The following TCTN2 variants were observed in gnomAD, a reference collection of about 807,000 sequenced individuals.
TCTN2 encodes the protein tectonic family member 2.
TCTN2 carries 66 observed loss-of-function variants against 83.4 expected under a neutral mutation model. The observed-to-expected ratio is 0.79, with a 90% CI of 0.65 to 0.97. The LOEUF (loss-of-function observed/expected upper bound fraction) is 0.97. Among genes scored for constraint, TCTN2 ranks in the 50% least tolerant of loss-of-function variants. The pLI, the probability that TCTN2 is intolerant of heterozygous loss-of-function variation, is 0.00. For synonymous variants in TCTN2, 301 were observed against 326.7 expected (o/e 0.92, Z 0.85); for missense variants, 794 against 858.1 (o/e 0.93, Z 0.93).
At chr12:123,672,631 G>C (rs191184523) in intron 3 of TCTN2, among the ~76,000 whole-genome samples, 3 of 152,012 alleles carry the variant, frequency 2.0e-5, no homozygotes, top group East Asian at 3.9e-4. Context: ...ATACTTGGAG[G>C]GGGGTGGGGT....
chr12:123,698,345 TTTTTTGTTTTTTTG>T (rs972823381), intron 13 of TCTN2, among the ~76,000 whole-genome samples: 4 of 151,050 alleles, frequency 2.6e-5, no homozygotes, highest in African/African-American at 9.8e-5. Flanking sequence ...CCCAGCCTTG[TTTTTTGTTTTTTTG>T]TTTTTGTTTT....
At chr12:123,698,226 G>C (rs1301341366) in intron 13 of TCTN2, among the ~76,000 whole-genome samples, 1 of 152,022 alleles carries the variant, frequency 6.6e-6, no homozygotes, top group Non-Finnish European at 1.5e-5. Context: ...ATTTTTAGTA[G>C]AGATGGGGTT....
chr12:123,671,458 T>C, intron 1 of TCTN2, 49 bp from the exon 2 acceptor site: 1 of 1,599,228 alleles, frequency 6.3e-7, no homozygotes, highest in Non-Finnish European at 8.6e-7. Context: ...CCTTAGGCGG[T>C]GATTCTTCCA....
At chr12:123,691,949 C>T (rs1337443807) in intron 8 of TCTN2, among the ~76,000 whole-genome samples, 1 of 151,442 alleles carries the variant, frequency 6.6e-6, no homozygotes, top group East Asian at 1.9e-4. Flanking sequence ...GGCTGGAGTG[C>T]GATGGCGCGA....
chr12:123,692,485 T>C (rs1566255727), intron 8 of TCTN2, among the ~76,000 whole-genome samples, 173 bp from the exon 9 acceptor site: 1 of 152,190 alleles, frequency 6.6e-6, no homozygotes, highest in Non-Finnish European at 1.5e-5. Flanking sequence ...AATTAGATGC[T>C]AAGAGGATGG....
chr12:123,690,772 A>G, intron 8 of TCTN2, 98 bp downstream of exon 8: 1 of 1,465,610 alleles, frequency 6.8e-7, no homozygotes, highest in South Asian at 1.2e-5. Context: ...TTCAACTTCA[A>G]ATAATATTTG....
Position 123,706,968 on chromosome 12 carries a change from T to A in TCTN2, c.1896-17T>A. ...TTCTCACTTGTAGTTTTTGTAACCC[T>A]CTAAAATGTTTTCTAGATTCCAGAT... On this transcript the variant is annotated splice_polypyrimidine_tract_variant and intron_variant, in intron 16 of 17. Coordinates refer to ENST00000303372, the MANE Select transcript of TCTN2 (RefSeq NM_024809.5). 1 of 1,613,972 alleles carries A rather than the reference T, an allele frequency of 6.2e-7. No individual in the cohort carries two copies. Among genetic ancestry groups the A allele is most frequent in the Non-Finnish European group, 8.5e-7 (1 of 1,179,852 alleles).
intron 4 of TCTN2, among the ~76,000 whole-genome samples, chr12:123,674,277 C>A (rs1355173438): frequency 6.6e-6 from 1 of 151,564 alleles, no homozygotes; most frequent in Non-Finnish European, 1.5e-5. Context: ...TTGATTCTCT[C>A]TCTTTTTTTT....
intron 8 of TCTN2, among the ~76,000 whole-genome samples, chr12:123,691,024 A>G (rs1289742490): frequency 6.6e-6 from 1 of 152,050 alleles, no homozygotes; most frequent in East Asian, 1.9e-4. Flanking sequence ...GCCTGCCACC[A>G]TGACTGGCTA....
intron 5 of TCTN2, among the ~76,000 whole-genome samples, chr12:123,681,672 T>C (rs1404493097): frequency 6.6e-6 from 1 of 152,236 alleles, no homozygotes; most frequent in East Asian, 1.9e-4. Context: ...GTTTCTGTTT[T>C]TTGGCTATTA....
intron 14 of TCTN2, among the ~76,000 whole-genome samples, chr12:123,703,387 G>A (rs1956194544): frequency 6.6e-6 from 1 of 152,046 alleles, no homozygotes; most frequent in South Asian, 2.1e-4. Flanking sequence ...TCACCATGTT[G>A]GCCAGGCTGG....
intron 14 of TCTN2, among the ~76,000 whole-genome samples, chr12:123,704,293 C>T (rs1166980918): frequency 6.6e-6 from 1 of 152,096 alleles, no homozygotes; most frequent in Non-Finnish European, 1.5e-5. Context: ...CGTTAGCCAC[C>T]GCACCCGGCC....
At position 123,692,930 on chromosome 12, in the gene TCTN2, C is replaced by G. The variant is rs569222698; in HGVS notation, c.1099+207C>G. On this transcript the variant is annotated intron_variant, in intron 9 of 17. Transcript: ENST00000303372. ...TCTCTGTGACCTTGAGCCTGCTCCT[C>G]CACAGTCCTGGATTCTCTGAGTTCC... Among the ~76,000 whole-genome samples the G allele has an allele frequency of 8.1e-4, 124 of 152,170 alleles. 3 individuals are homozygous for G. Among genetic ancestry groups the G allele is most frequent in the African/African-American group, 3.0e-3 (123 of 41,506 alleles).
intron 2 of TCTN2, 138 bp downstream of exon 2, chr12:123,671,752 G>C (rs1237239991): frequency 8.2e-6 from 6 of 731,834 alleles, no homozygotes; most frequent in Non-Finnish European, 1.4e-5. Flanking sequence ...GGATCGGGCG[G>C]CTGCTGTAGG....
chr12:123,682,550 C>T (rs547239100), intron 5 of TCTN2, among the ~76,000 whole-genome samples: 52 of 151,486 alleles, frequency 3.4e-4, no homozygotes, highest in Non-Finnish European at 3.7e-4. Flanking sequence ...GGTGTGATCT[C>T]GGCTCACTGC....
chr12:123,683,925 C>T (rs547938471), intron 5 of TCTN2, among the ~76,000 whole-genome samples: 2 of 152,172 alleles, frequency 1.3e-5, no homozygotes, highest in Non-Finnish European at 2.9e-5. Context: ...AGGCGTGAGC[C>T]ACTGCACCTG....
chr12:123,679,312 A>G (rs1292248572), intron 5 of TCTN2, 23 bp downstream of exon 5: 1 of 1,603,096 alleles, frequency 6.2e-7, no homozygotes, highest in Admixed American at 1.7e-5. Context: ...GTTATTGGGC[A>G]CAAAAGTTAT....
intron 13 of TCTN2, among the ~76,000 whole-genome samples, chr12:123,698,749 C>T (rs552133704): frequency 2.0e-4 from 30 of 152,230 alleles, no homozygotes; most frequent in East Asian, 3.9e-4. Flanking sequence ...CTCTTACACA[C>T]GTTTTATCTG....
chr12:123,706,613 G>A (rs1021056732), intron 15 of TCTN2, 113 bp from the exon 16 acceptor site: 15 of 1,547,884 alleles, frequency 9.7e-6, no homozygotes, highest in African/African-American at 2.7e-5. Context: ...GGTAGAATGC[G>A]AAACTTCTTA....
Sources: gnomAD v4.1 joint callset for allele counts (sites outside exome capture counted in the v4.1 genomes callset) on GRCh38, gnomAD v4.1.1 for gene constraint, MANE v1.5 for transcripts, NCBI Gene and HGNC (gene_info 2026-07-23, HGNC 2026-07-21) for gene names.